The following EVL variants were observed in gnomAD, a reference collection of about 807,000 sequenced individuals.
EVL encodes the protein Enah/Vasp-like.
Under a neutral mutation model 59.6 loss-of-function variants are expected in EVL, and 21 were observed. That is an observed-to-expected ratio of 0.35 (90% confidence interval 0.25 to 0.51). The LOEUF (loss-of-function observed/expected upper bound fraction) is 0.51, where lower values mean the gene tolerates loss of function less well. Among genes scored for constraint, EVL ranks in the 20% least tolerant of loss-of-function variants. EVL has a pLI of 0.97. For synonymous variants in EVL, 198 were observed against 203.5 expected (o/e 0.97, Z 0.23); for missense variants, 462 against 546.6 (o/e 0.85, Z 1.54).
chr14:99,977,086 C>G (rs1456641121), intron 1 of EVL: 1 of 152,208 alleles, frequency 6.6e-6, no homozygotes, highest in Non-Finnish European at 1.5e-5. Context: ...GAGATTCATG[C>G]TACCAGGTTA....
intron 1 of EVL, among the ~76,000 whole-genome samples, chr14:100,006,860 T>C (rs929109249): frequency 6.7e-6 from 1 of 150,084 alleles, no homozygotes; most frequent in African/African-American, 2.5e-5. Context: ...TTAAATCTCA[T>C]CCAGATTTTG....
At chr14:100,033,405 ACCTAAGAGGCT>A (rs912878764) in intron 1 of EVL, among the ~76,000 whole-genome samples, 2 of 152,118 alleles carry the variant, frequency 1.3e-5, no homozygotes, top group African/African-American at 2.4e-5. Flanking sequence ...TTACCATTTT[ACCTAAGAGGCT>A]CCTAAGATTC....
At chr14:100,128,029 G>A (rs1478856868) in intron 5 of EVL, among the ~76,000 whole-genome samples, 1 of 152,194 alleles carries the variant, frequency 6.6e-6, no homozygotes, top group Non-Finnish European at 1.5e-5. Flanking sequence ...CCCAGCACTC[G>A]GCATTGCGCC....
At chr14:100,135,868 G>C in intron 8 of EVL, 37 bp from the exon 9 acceptor site, 2 of 1,604,854 alleles carry the variant, frequency 1.2e-6, no homozygotes, top group Non-Finnish European at 1.7e-6. Flanking sequence ...GGCCCCAGGT[G>C]GCCTTCCTAA....
intron 3 of EVL, among the ~76,000 whole-genome samples, chr14:100,116,240 G>C (rs1034471090): frequency 2.0e-5 from 3 of 152,242 alleles, no homozygotes; most frequent in Admixed American, 6.5e-5. Flanking sequence ...TGGAAAGAGG[G>C]AAAGGAGCCA....
At chr14:100,128,463 A>G in intron 5 of EVL, 56 bp from the exon 6 acceptor site, 1 of 1,567,254 alleles carries the variant, frequency 6.4e-7, no homozygotes, top group South Asian at 1.1e-5. Flanking sequence ...TGAGAGCAGC[A>G]GGCTTGGCCC....
intron 1 of EVL, among the ~76,000 whole-genome samples, chr14:100,000,331 T>A (rs1488210225): frequency 6.7e-6 from 1 of 150,288 alleles, no homozygotes. Flanking sequence ...AGAGACAAAC[T>A]GTTGCATTCT....
intron 1 of EVL, among the ~76,000 whole-genome samples, chr14:100,035,759 G>A (rs1295757717): frequency 2.0e-5 from 3 of 152,130 alleles, no homozygotes; most frequent in Non-Finnish European, 4.4e-5. Context: ...AGAAAGATAC[G>A]TGTTTTGCCA....
intron 5 of EVL, among the ~76,000 whole-genome samples, chr14:100,128,254 G>A (rs1361057906): frequency 6.6e-6 from 1 of 152,194 alleles, no homozygotes; most frequent in Admixed American, 6.5e-5. Context: ...AAATTGCCTG[G>A]GCTCAAGGAA....
intron 8 of EVL, 95 bp from the exon 9 acceptor site, chr14:100,135,810 C>A: frequency 9.0e-7 from 1 of 1,107,404 alleles, no homozygotes; most frequent in Non-Finnish European, 1.4e-6. Context: ...TCATTGGGAA[C>A]ATTTGGAAAA....
At chr14:100,069,948 C>T (rs866856272) in intron 1 of EVL, among the ~76,000 whole-genome samples, 9 of 151,398 alleles carry the variant, frequency 5.9e-5, no homozygotes, top group Admixed American at 4.6e-4. Context: ...AAGGGTTGGC[C>T]GGGTATGGTG....
intron 11 of EVL, chr14:100,140,949 A>G (rs1227630403): frequency 2.0e-6 from 1 of 488,278 alleles, no homozygotes; most frequent in Non-Finnish European, 3.6e-6. Flanking sequence ...GACCCCAGCC[A>G]GCCTTGGCTC....
At chr14:100,122,819 T>G (rs1887783931) in intron 3 of EVL, among the ~76,000 whole-genome samples, 1 of 152,196 alleles carries the variant, frequency 6.6e-6, no homozygotes, top group Non-Finnish European at 1.5e-5. Flanking sequence ...AGCTCCAGCC[T>G]CCTCTGAACA....
At chr14:100,113,172 A>G (rs550004118) in intron 3 of EVL, among the ~76,000 whole-genome samples, 4 of 152,280 alleles carry the variant, frequency 2.6e-5, no homozygotes, top group East Asian at 3.9e-4. Flanking sequence ...CAAAATAGGC[A>G]ACGGCACAGA....
chr14:100,127,618 G>A lies in EVL; in HGVS notation c.487+847G>A, dbSNP rs1011771614. On this transcript the variant is annotated intron_variant, in intron 5 of 13. Coordinates refer to ENST00000392920, the MANE Select transcript of EVL (RefSeq NM_016337.3). The surrounding 1 kb of genome is among the most constrained non-coding windows in gnomAD (Gnocchi z 4.2). ...CTGCCCTCTCTCCCTCTAGTGCCTC[G>A]CAAGCACTTCCCATCCTTTTCCTCC... Among the ~76,000 whole-genome samples the A allele has an allele frequency of 1.3e-4, 19 of 151,988 alleles. No homozygotes were observed. Among genetic ancestry groups the A allele is most frequent in the South Asian group, 8.3e-4 (4 of 4,804 alleles).
intron 1 of EVL, among the ~76,000 whole-genome samples, chr14:100,014,875 G>C (rs8011232): frequency 0.08 from 12,125 of 152,150 alleles, 1,676 homozygotes; most frequent in African/African-American, 0.28. Flanking sequence ...CAGCCCCCTG[G>C]CCATTGGAAA....
At chr14:100,034,754 G>A (rs570876897) in intron 1 of EVL, among the ~76,000 whole-genome samples, 22 of 152,046 alleles carry the variant, frequency 1.4e-4, no homozygotes, top group Admixed American at 7.2e-4. Flanking sequence ...AAAAAAATGC[G>A]TAAGATAAAA....
intron 1 of EVL, among the ~76,000 whole-genome samples, chr14:100,017,747 G>A (rs1595565441): frequency 6.6e-6 from 1 of 152,318 alleles, no homozygotes; most frequent in East Asian, 1.9e-4. Flanking sequence ...GTCTCAGGCA[G>A]ATGCTGGTCA....
In EVL at chr14:100,024,489, G is replaced by A. The variant is rs747427013; in HGVS notation, c.5+52432G>A. Reference sequence around the variant, plus strand: ...GACTGGGCCAGGCAGGGAAGGGGAAGGAAAAGAACCTTGATCATTGAATAC... The same window carrying A: ...GACTGGGCCAGGCAGGGAAGGGGAAAGAAAAGAACCTTGATCATTGAATAC... On this transcript the variant is annotated intron_variant, in intron 1 of 13. Transcript: ENST00000402714. Among the ~76,000 whole-genome samples the A allele has an allele frequency of 1.5e-4, 23 of 152,172 alleles. 1 individual carries two copies. The highest frequency in any genetic ancestry group is 2.8e-4 in the Non-Finnish European group (19 of 68,042).
Sources: gnomAD v4.1 joint callset for allele counts (sites outside exome capture counted in the v4.1 genomes callset) on GRCh38, gnomAD v4.1.1 for gene constraint, Gnocchi (gnomAD v3.1) non-coding constraint, MANE v1.5 for transcripts, NCBI Gene and HGNC (gene_info 2026-07-23, HGNC 2026-07-21) for gene names.